Variants in RBFOX1 observed in about 807,000 individuals in gnomAD.
The protein encoded by RBFOX1 is RNA binding fox-1 homolog 1.
Under a neutral mutation model 57.7 loss-of-function variants are expected in RBFOX1, and 8 were observed. The observed-to-expected ratio is 0.14, with a 90% CI of 0.08 to 0.25. RBFOX1 has a LOEUF of 0.25. RBFOX1 is among the 10% of genes least tolerant of loss of function. RBFOX1 has a pLI of 1.00. For synonymous variants in RBFOX1, 326 were observed against 222.4 expected, an observed-to-expected ratio of 1.47 and a Z score of -4.15; for missense variants, 611 against 548.5, an observed-to-expected ratio of 1.11 and a Z score of -1.14.
chr16:7,289,219 A>G (rs78390498), intron 4 of RBFOX1, among the ~76,000 whole-genome samples: 5,196 of 152,250 alleles, frequency 0.034, 146 homozygotes, highest in East Asian at 0.13. Flanking sequence ...ACTAGAGTTG[A>G]GAGAGAAAGC....
intron 4 of RBFOX1, among the ~76,000 whole-genome samples, chr16:7,351,913 A>T (rs2097136693): frequency 6.6e-6 from 1 of 152,152 alleles, no homozygotes; most frequent in Admixed American, 6.5e-5. Flanking sequence ...TTCCAACCCC[A>T]ACCCCAGGAA....
chr16:7,209,872 A>C (rs140275738), intron 4 of RBFOX1, among the ~76,000 whole-genome samples: 1 of 152,280 alleles, frequency 6.6e-6, no homozygotes, highest in East Asian at 1.9e-4. Flanking sequence ...ACACACTCTC[A>C]AGGTCTTGAA....
chr16:6,738,684 C>G (rs1211995661), intron 3 of RBFOX1, among the ~76,000 whole-genome samples: 4 of 152,126 alleles, frequency 2.6e-5, no homozygotes, highest in African/African-American at 9.7e-5. Context: ...GCAGAATACA[C>G]ATTCTTTTAA....
At chr16:7,272,289 A>G (rs967809638) in intron 4 of RBFOX1, among the ~76,000 whole-genome samples, 4 of 152,082 alleles carry the variant, frequency 2.6e-5, no homozygotes, top group Non-Finnish European at 2.9e-5. Context: ...GGTTCAAGTG[A>G]TTGTCCTGCC....
intron 3 of RBFOX1, among the ~76,000 whole-genome samples, chr16:6,837,903 C>G (rs59758460): frequency 0.23 from 34,478 of 151,884 alleles, 5,264 homozygotes; most frequent in East Asian, 0.59. Flanking sequence ...GCAACAATGA[C>G]AGTTTACTGT....
chr16:7,260,287 A>G (rs1330667411), intron 4 of RBFOX1, among the ~76,000 whole-genome samples: 1 of 152,222 alleles, frequency 6.6e-6, no homozygotes, highest in Admixed American at 6.5e-5. Flanking sequence ...AGATATCCAG[A>G]CATGCTTCAC....
At chr16:6,989,195 C>G (rs997355015) in intron 3 of RBFOX1, among the ~76,000 whole-genome samples, 3 of 152,130 alleles carry the variant, frequency 2.0e-5, no homozygotes, top group Non-Finnish European at 4.4e-5. Flanking sequence ...TGTGCTTGGC[C>G]TCTTTTTCCG....
intron 4 of RBFOX1, among the ~76,000 whole-genome samples, chr16:7,313,572 T>G (rs5009029): frequency 0.76 from 114,638 of 150,174 alleles, 43,698 homozygotes; most frequent in East Asian, 0.94. Context: ...GGTAACGAGA[T>G]AAGCCAGCCT....
intron 11 of RBFOX1, among the ~76,000 whole-genome samples, chr16:7,641,440 C>T (rs545276863): frequency 7.9e-5 from 12 of 152,282 alleles, no homozygotes; most frequent in Admixed American, 2.0e-4. Flanking sequence ...TGGAGAACTT[C>T]GGAGCACTGT....
At chr16:7,197,736 A>C (rs933405615) in intron 4 of RBFOX1, among the ~76,000 whole-genome samples, 3 of 152,212 alleles carry the variant, frequency 2.0e-5, no homozygotes, top group Non-Finnish European at 4.4e-5. Flanking sequence ...GTAGAACGTT[A>C]TTCAACAGTA....
chr16:7,415,227 C>A (rs914132846), intron 4 of RBFOX1, among the ~76,000 whole-genome samples: 1 of 152,196 alleles, frequency 6.6e-6, no homozygotes, highest in Admixed American at 6.5e-5. Flanking sequence ...AACTGAGTGT[C>A]TGGGGTATTA....
intron 3 of RBFOX1, among the ~76,000 whole-genome samples, chr16:6,910,571 A>G (rs2153431229): frequency 6.6e-6 from 1 of 152,280 alleles, no homozygotes; most frequent in South Asian, 2.1e-4. Context: ...TTGGGGTAAA[A>G]TCAAAGCCTC....
At chr16:5,979,718 T>C (rs747572131) in intron 4 of RBFOX1, among the ~76,000 whole-genome samples, 26 of 152,156 alleles carry the variant, frequency 1.7e-4, no homozygotes, top group Admixed American at 6.5e-4. Context: ...AAAAATTAGC[T>C]AGGTGTGGTG....
At chr16:6,132,825 A>G (rs2096638894) in intron 1 of RBFOX1, among the ~76,000 whole-genome samples, 1 of 152,112 alleles carries the variant, frequency 6.6e-6, no homozygotes, top group African/African-American at 2.4e-5. Flanking sequence ...TGTCTCTACT[A>G]AAAATACCAA....
intron 1 of RBFOX1, among the ~76,000 whole-genome samples, chr16:6,226,885 G>T (rs1194337462): frequency 6.6e-6 from 1 of 150,886 alleles, no homozygotes; most frequent in East Asian, 2.0e-4. Flanking sequence ...GAGGCGGCTG[G>T]ATTGCCTGAG....
At chr16:6,268,493 C>G (rs2074811631) in intron 1 of RBFOX1, among the ~76,000 whole-genome samples, 1 of 152,144 alleles carries the variant, frequency 6.6e-6, no homozygotes, top group Admixed American at 6.5e-5. Flanking sequence ...CAGCATAGAC[C>G]TCCTGAATCA....
In RBFOX1 at chr16:5,973,631, G is replaced by A. The variant is rs535954910; in HGVS notation, c.351+106296G>A. 2.1e-4 allele frequency among the ~76,000 whole-genome samples: 32 copies of A among 152,326 alleles called. 1 individual carries two copies. In the East Asian group the frequency reaches 5.4e-3, roughly 26 times the overall value. ...ATGGGGTGCCCAGATATTTGGTCAAGTATTATTCTGCATGCTTCCATGAGG... is the reference window on the plus strand; with the variant it reads ...ATGGGGTGCCCAGATATTTGGTCAAATATTATTCTGCATGCTTCCATGAGG... On this transcript the variant is annotated intron_variant, in intron 4 of 19. Coordinates refer to the RBFOX1 transcript ENST00000641259.
intron 4 of RBFOX1, among the ~76,000 whole-genome samples, chr16:7,400,620 A>G (rs1439392103): frequency 1.3e-5 from 2 of 152,108 alleles, no homozygotes; most frequent in Non-Finnish European, 2.9e-5. Context: ...ATTGCTCCTA[A>G]CCCCTTCCTA....
chr16:6,495,993 G>A (rs980853008), intron 2 of RBFOX1, among the ~76,000 whole-genome samples: 5 of 152,010 alleles, frequency 3.3e-5, no homozygotes, highest in East Asian at 1.9e-4. Context: ...TTTTATATGC[G>A]TCAGTGTAAA....
Sources: allele counts gnomAD v4.1 joint callset (sites outside exome capture counted in the v4.1 genomes callset), GRCh38; gene constraint gnomAD v4.1.1; transcripts MANE v1.5; gene names NCBI Gene and HGNC (gene_info 2026-07-23, HGNC 2026-07-21).